Variants in GLIS3 observed in about 807,000 individuals in gnomAD.
The protein encoded by GLIS3 is GLIS family zinc finger 3, also known as zinc finger protein GLIS3.
A neutral mutation model predicts 78.6 loss-of-function variants in GLIS3; 53 were observed. The ratio of observed to expected loss-of-function variants is 0.67; its 90% confidence interval spans 0.54 to 0.85. The LOEUF (loss-of-function observed/expected upper bound fraction) is 0.85, where lower values mean the gene tolerates loss of function less well. Among genes scored for constraint, GLIS3 ranks in the 40% least tolerant of loss-of-function variants. The pLI is 0.00. For synonymous variants in GLIS3, 684 were observed against 509.9 expected (o/e 1.34, Z -4.60); for missense variants, 1,703 against 1,231.1 (o/e 1.38, Z -5.74).
chr9:4,124,357 G>C (rs575512419), intron 3 of GLIS3, among the ~76,000 whole-genome samples: 5 of 152,232 alleles, frequency 3.3e-5, no homozygotes, highest in Middle Eastern at 3.4e-3. Context: ...CCCATAAAAG[G>C]GACTGCATAA....
At chr9:3,907,132 C>T (rs1176240306) in intron 6 of GLIS3, among the ~76,000 whole-genome samples, 2 of 152,206 alleles carry the variant, frequency 1.3e-5, no homozygotes, top group African/African-American at 4.8e-5. Flanking sequence ...GCAGAATCCA[C>T]TTTCAACACT....
At chr9:4,195,856 T>C (rs1818788303) in intron 2 of GLIS3, among the ~76,000 whole-genome samples, 1 of 152,250 alleles carries the variant, frequency 6.6e-6, no homozygotes, top group Admixed American at 6.5e-5. Flanking sequence ...TGTGTCTAGC[T>C]AATCTAGTGA....
At position 4,030,228 on chromosome 9, in the gene GLIS3, TG is replaced by T. The variant is rs1184012734; in HGVS notation, c.1710+87539del. On this transcript the variant is annotated intron_variant, in intron 4 of 10. Coordinates refer to ENST00000381971, the MANE Select transcript of GLIS3 (RefSeq NM_001042413.2). Reference sequence around the variant, plus strand: ...TTGAGCACCTTTTCATATGCCTGTTTGCCATTTGTATGTCTTCTTTTGAGAA... The same window carrying T: ...TTGAGCACCTTTTCATATGCCTGTTTCCATTTGTATGTCTTCTTTTGAGAA... Among the ~76,000 whole-genome samples, 7 of 152,204 alleles carry T rather than the reference TG, an allele frequency of 4.6e-5. 1 individual carries two copies. The highest frequency in any genetic ancestry group is 3.9e-4 in the Admixed American group (6 of 15,264).
chr9:4,444,452 G>C, the GLIS3 span, among the ~76,000 whole-genome samples: 2 of 152,210 alleles, frequency 1.3e-5, no homozygotes, highest in East Asian at 1.9e-4. Context: ...TGAATGAACA[G>C]AATGATAATC....
intron 2 of GLIS3, among the ~76,000 whole-genome samples, chr9:4,216,719 G>A (rs944118591): frequency 6.6e-6 from 1 of 152,074 alleles, no homozygotes; most frequent in Admixed American, 6.6e-5. Context: ...ATGTGGCCTA[G>A]GATTCAGGTT....
At chr9:3,878,779 G>C (rs1438224479) in intron 8 of GLIS3, 1 of 157,226 alleles carries the variant, frequency 6.4e-6, no homozygotes, top group Non-Finnish European at 1.4e-5. Context: ...GGCAAGAGAA[G>C]TTCATTACAG....
intron 4 of GLIS3, among the ~76,000 whole-genome samples, chr9:3,947,511 T>A (rs760320255): frequency 6.6e-6 from 1 of 152,232 alleles, no homozygotes; most frequent in Non-Finnish European, 1.5e-5. Flanking sequence ...ACTTTAACAC[T>A]TGCACACATA....
chr9:4,105,261 T>C (rs1201592692), intron 4 of GLIS3, among the ~76,000 whole-genome samples: 2 of 152,164 alleles, frequency 1.3e-5, no homozygotes, highest in Non-Finnish European at 2.9e-5. Context: ...GAATTTGAAA[T>C]TATCCCCCAT....
At chr9:4,235,164 T>G (rs1822605769) in intron 2 of GLIS3, among the ~76,000 whole-genome samples, 1 of 151,950 alleles carries the variant, frequency 6.6e-6, no homozygotes, top group Non-Finnish European at 1.5e-5. Context: ...CTGGGCGTGG[T>G]GGCACCTGCC....
At chr9:4,451,189 G>T in the GLIS3 span, among the ~76,000 whole-genome samples, 2 of 152,138 alleles carry the variant, frequency 1.3e-5, no homozygotes, top group African/African-American at 2.4e-5. Context: ...AAAAAGCAGG[G>T]GTTGCAATCC....
intron 2 of GLIS3, among the ~76,000 whole-genome samples, chr9:4,239,162 T>C (rs1823051456): frequency 9.1e-6 from 1 of 109,550 alleles, no homozygotes; most frequent in South Asian, 3.3e-4. Context: ...GTGCATGCAC[T>C]GTTGTGGGGT....
the GLIS3 span, among the ~76,000 whole-genome samples, chr9:4,465,338 G>A: frequency 2.6e-5 from 4 of 152,164 alleles, no homozygotes; most frequent in African/African-American, 7.2e-5. Context: ...ACCAGAGGTC[G>A]GGAGTTCGAG....
At chr9:4,168,781 C>G (rs1447034823) in intron 2 of GLIS3, among the ~76,000 whole-genome samples, 1 of 152,002 alleles carries the variant, frequency 6.6e-6, no homozygotes, top group Non-Finnish European at 1.5e-5. Flanking sequence ...CGCTGAAGGC[C>G]ACATTGGGAT....
intron 4 of GLIS3, among the ~76,000 whole-genome samples, chr9:3,988,097 C>G (rs1016033674): frequency 2.0e-5 from 3 of 152,004 alleles, no homozygotes; most frequent in Non-Finnish European, 4.4e-5. Flanking sequence ...GCTTTTTAAT[C>G]TGTAACCATG....
chr9:4,193,279 T>C (rs1412370175), intron 2 of GLIS3, among the ~76,000 whole-genome samples: 1 of 152,220 alleles, frequency 6.6e-6, no homozygotes. Flanking sequence ...GAAAATTACA[T>C]GAAATTCAAA....
At chr9:3,987,780 A>C (rs1340485799) in intron 4 of GLIS3, among the ~76,000 whole-genome samples, 21 of 144,244 alleles carry the variant, frequency 1.5e-4, no homozygotes, top group Non-Finnish European at 1.8e-4. Context: ...AAAAAAAAAA[A>C]AAAAAAAACA....
chr9:4,061,577 A>C (rs1299570778), intron 4 of GLIS3, among the ~76,000 whole-genome samples: 1 of 152,178 alleles, frequency 6.6e-6, no homozygotes, highest in Non-Finnish European at 1.5e-5. Flanking sequence ...AAAATGGTTT[A>C]ATTGGACACT....
the GLIS3 span, among the ~76,000 whole-genome samples, chr9:4,451,047 T>G: frequency 0.56 from 84,416 of 152,034 alleles, 24,228 homozygotes; most frequent in South Asian, 0.72. Flanking sequence ...AAAAGGCAAG[T>G]ACTGGCATAT....
intron 4 of GLIS3, among the ~76,000 whole-genome samples, chr9:4,112,273 T>C (rs1831279460): frequency 6.6e-6 from 1 of 152,180 alleles, no homozygotes; most frequent in Non-Finnish European, 1.5e-5. Flanking sequence ...TCTTATCTCG[T>C]CTCTGAATTT....
Sources: allele counts gnomAD v4.1 joint callset (sites outside exome capture counted in the v4.1 genomes callset), GRCh38; gene constraint gnomAD v4.1.1; transcripts MANE v1.5; gene names NCBI Gene and HGNC (gene_info 2026-07-23, HGNC 2026-07-21).